The following RERE variants were observed in gnomAD, a reference collection of about 807,000 sequenced individuals.
The protein encoded by RERE is arginine-glutamic acid dipeptide repeats, also known as arginine-glutamic acid dipeptide repeats protein.
A neutral mutation model predicts 146.1 loss-of-function variants in RERE; 40 were observed. The observed-to-expected ratio is 0.27, with a 90% confidence interval of 0.21 to 0.36. The LOEUF (loss-of-function observed/expected upper bound fraction) is 0.36. RERE is among the 10% of genes least tolerant of loss of function. RERE has a pLI of 1.00. For synonymous variants in RERE, 1,003 were observed against 866.0 expected, an observed-to-expected ratio of 1.16 and a Z score of -2.78; for missense variants, 1,933 against 2,138.7, an observed-to-expected ratio of 0.90 and a Z score of 1.90.
chr1:8,727,479 C>T (rs919564600), intron 1 of RERE, among the ~76,000 whole-genome samples: 9 of 151,808 alleles, frequency 5.9e-5, no homozygotes, highest in Admixed American at 5.2e-4. Flanking sequence ...TTCAATTACC[C>T]ACTGTTTTTT....
At position 8,361,156 on chromosome 1, in the gene RERE, G is replaced by A. The variant is rs766322061; in HGVS notation, c.2351C>T (p.Ala784Val). 1.4e-6 allele frequency: 2 copies of A among 1,450,096 alleles called. No individual in the cohort carries two copies. Among genetic ancestry groups the A allele is most frequent in the Admixed American group, 2.8e-5 (1 of 35,556 alleles). The allele number at this position is 1,450,096 out of a possible 1,614,324, so 89.8% of individuals were successfully genotyped here. Residue 784 changes from alanine (A) to valine (V), a missense_variant, in exon 18 of 23, where the codon GCC becomes GTC. Ala to Val is a moderately conservative substitution (Grantham distance 64). Coordinates refer to ENST00000400908, the MANE Select transcript of RERE (RefSeq NM_001042681.2). ...TGTGGGAGCCTGTGGCTGGTTAGGGGCCTGGGAGGCCGTGGGGGAGCCCTG... is the reference window on the plus strand; with the variant it reads ...TGTGGGAGCCTGTGGCTGGTTAGGGACCTGGGAGGCCGTGGGGGAGCCCTG... The part of the protein sequence containing the change: ...PPQGSPTASQ[A>V]PNQPQAPTAP...
chr1:8,557,835 T>C (rs1240590464), intron 4 of RERE, among the ~76,000 whole-genome samples: 1 of 151,472 alleles, frequency 6.6e-6, no homozygotes, highest in African/African-American at 2.4e-5. Flanking sequence ...TTATTTAACA[T>C]TAACTATACA....
At chr1:8,391,760 G>A (rs937789035) in intron 12 of RERE, among the ~76,000 whole-genome samples, 3 of 152,166 alleles carry the variant, frequency 2.0e-5, no homozygotes, top group African/African-American at 7.2e-5. Flanking sequence ...TAGAGGCCGG[G>A]CATGGTGGCT....
intron 1 of RERE, among the ~76,000 whole-genome samples, chr1:8,702,713 A>G (rs1462657508): frequency 6.6e-6 from 1 of 152,342 alleles, no homozygotes; most frequent in South Asian, 2.1e-4. Flanking sequence ...CTTTCCTTTC[A>G]GAAGAAAAAA....
chr1:8,705,088 A>G (rs1241806362), intron 1 of RERE, among the ~76,000 whole-genome samples: 2 of 152,228 alleles, frequency 1.3e-5, no homozygotes, highest in Admixed American at 1.3e-4. Flanking sequence ...ATCCAGACAC[A>G]TGGCACAGGC....
At chr1:8,692,483 A>T (rs1460358495) in intron 1 of RERE, among the ~76,000 whole-genome samples, 1 of 151,880 alleles carries the variant, frequency 6.6e-6, no homozygotes, top group Non-Finnish European at 1.5e-5. Context: ...AGTAGCTGCG[A>T]CTAGAGGCGC....
In RERE at chr1:8,580,380, G is replaced by A. The variant is rs74468112; in HGVS notation, c.523-22857C>T. 4.6e-4 allele frequency among the ~76,000 whole-genome samples: 70 copies of A among 152,276 alleles called. 1 individual carries two copies. In the East Asian group the frequency reaches 0.014, roughly 29 times the overall value. On this transcript the variant is annotated intron_variant, in intron 4 of 22. Transcript: ENST00000400908. ...GGAACTCTGAACGTGCTAGACGAGT[G>A]AAAGCAAATGTGAAAGCTTTTATTT...
intron 1 of RERE, among the ~76,000 whole-genome samples, chr1:8,702,626 A>C (rs1639476568): frequency 6.6e-6 from 1 of 152,180 alleles, no homozygotes; most frequent in Non-Finnish European, 1.5e-5. Context: ...TTATTTTTAA[A>C]CTTGTTTATT....
chr1:8,493,369 A>C (rs74050204), intron 10 of RERE, among the ~76,000 whole-genome samples: 1,716 of 152,328 alleles, frequency 0.011, 28 homozygotes, highest in African/African-American at 0.038. Flanking sequence ...AATCAGTGAC[A>C]ATGTACACAA....
rs537129539 is a variant in RERE at position 8,782,997 on chromosome 1, G to T, written c.-145+34163C>A. Among the ~76,000 whole-genome samples, 389 of 152,228 alleles carry T rather than the reference G, an allele frequency of 2.6e-3. 3 individuals are homozygous for T. The highest frequency in any genetic ancestry group is 8.9e-3 in the African/African-American group (369 of 41,542). ...TTGAGCTGCACAGTCCCAAACCTTG[G>T]AATCATCCTTGACTCCTTTCTTTCA... On this transcript the variant is annotated intron_variant, in intron 1 of 22. Coordinates refer to ENST00000400908, the MANE Select transcript of RERE (RefSeq NM_001042681.2).
intron 6 of RERE, among the ~76,000 whole-genome samples, chr1:8,553,183 T>G (rs1645959141): frequency 6.6e-6 from 1 of 151,702 alleles, no homozygotes; most frequent in African/African-American, 2.4e-5. Flanking sequence ...GACACACCAC[T>G]AGGCCAGTGC....
chr1:8,356,241 C>T lies in RERE; in HGVS notation c.4345G>A (p.Ala1449Thr). 1 of 1,522,286 alleles carries T rather than the reference C, an allele frequency of 6.6e-7. No homozygotes were observed. Among genetic ancestry groups the T allele is most frequent in the South Asian group, 1.3e-5 (1 of 76,804 alleles). The allele number at this position is 1,522,286 out of a possible 1,614,324, so 94.3% of individuals were successfully genotyped here. Residue 1449 changes from alanine (A) to threonine (T), a missense_variant, in exon 21 of 23, where the codon GCA becomes ACA. Ala to Thr is a moderately conservative substitution (Grantham distance 58, BLOSUM62 0). Around this residue, in one of 11 missense-constraint regions of RERE, gnomAD observed 133 missense variants for 168.6 expected, o/e 0.79. Transcript: ENST00000400908. The surrounding 1 kb of genome is among the most constrained non-coding windows in gnomAD (Gnocchi z 5.2). The stretch of plus-strand genomic sequence containing the variant: ...TCGACCAGCGGGTGAACGGGGCCTG[C>T]TGAACCTAAGGAAAGGACAAAACGC... ...HQQDPLHQGS[A>T]GPVHPLVDPL...
intron 8 of RERE, among the ~76,000 whole-genome samples, chr1:8,500,305 C>A (rs540418031): frequency 5.1e-4 from 77 of 152,232 alleles, no homozygotes; most frequent in African/African-American, 1.8e-3. Flanking sequence ...AACCTCCCCC[C>A]CATTCTTGAG....
At chr1:8,521,261 T>C (rs1645497103) in intron 7 of RERE, among the ~76,000 whole-genome samples, 1 of 147,912 alleles carries the variant, frequency 6.8e-6, no homozygotes, top group Admixed American at 6.7e-5. Flanking sequence ...GATCAGTAAA[T>C]AGTTATTAAA....
intron 1 of RERE, among the ~76,000 whole-genome samples, chr1:8,668,563 T>C (rs2124365830): frequency 6.6e-6 from 1 of 151,984 alleles, no homozygotes; most frequent in South Asian, 2.1e-4. Flanking sequence ...AAAAGATAAA[T>C]GCAAAACACA....
chr1:8,755,151 A>AAC (rs750595036), intron 1 of RERE, among the ~76,000 whole-genome samples: 4 of 152,248 alleles, frequency 2.6e-5, no homozygotes, highest in Non-Finnish European at 4.4e-5. Flanking sequence ...TAGCAGTGGT[A>AAC]ACAGACATAA....
chr1:8,524,799 A>C (rs189601992), intron 7 of RERE, among the ~76,000 whole-genome samples: 8 of 152,276 alleles, frequency 5.3e-5, no homozygotes, highest in African/African-American at 1.9e-4. Context: ...GCAACAGGAC[A>C]CCCCAAAAGC....
intron 1 of RERE, among the ~76,000 whole-genome samples, chr1:8,798,882 G>C (rs948603380): frequency 1.3e-5 from 2 of 151,280 alleles, no homozygotes; most frequent in Admixed American, 6.6e-5. Flanking sequence ...AGTAGACATG[G>C]GGTTTCACCA....
intron 4 of RERE, among the ~76,000 whole-genome samples, chr1:8,572,073 A>C (rs1277859827): frequency 1.3e-5 from 2 of 152,208 alleles, no homozygotes; most frequent in African/African-American, 2.4e-5. Flanking sequence ...CTTTTTTCAA[A>C]AACAAGTTCC....
Sources: gnomAD v4.1 joint callset for allele counts (sites outside exome capture counted in the v4.1 genomes callset) on GRCh38, gnomAD v4.1.1 for gene constraint, gnomAD v4.1.1 regional missense constraint, Gnocchi (gnomAD v3.1) non-coding constraint, MANE v1.5 for transcripts, NCBI Gene and HGNC (gene_info 2026-07-23, HGNC 2026-07-21) for gene names.